PRSS16: variants seen among roughly 807,000 people sequenced by gnomAD.
The protein encoded by PRSS16 is thymus-specific serine protease.
PRSS16 carries 43 observed loss-of-function variants against 61.7 expected under a neutral mutation model. The observed-to-expected ratio is 0.70, with a 90% CI of 0.55 to 0.90. The LOEUF (loss-of-function observed/expected upper bound fraction) is 0.90, where lower values mean the gene tolerates loss of function less well. Among genes scored for constraint, PRSS16 ranks in the 40% least tolerant of loss-of-function variants. The pLI is 0.00. For missense variants in PRSS16, 591 were observed against 659.1 expected (o/e 0.90, Z 1.13); for synonymous variants, 273 against 285.2 (o/e 0.96, Z 0.43).
In PRSS16 at chr6:27,255,410, C is replaced by A; in HGVS notation, c.*95C>A. On this transcript the variant is annotated 3_prime_UTR_variant, in exon 12 of 12. Transcript: ENST00000230582. This position sits in a 1 kb window ranked among gnomAD's most constrained non-coding sequence, Gnocchi z 4.4. ...AAGCAGCTTGTTTTGAAAGAAGAAA[C>A]TCCCAGGAATTGGAATTCAGCACCT... 1.5e-6 allele frequency: 2 copies of A among 1,310,868 alleles called. No individual in the cohort carries two copies. The highest frequency in any genetic ancestry group is 2.1e-6 in the Non-Finnish European group (2 of 946,164). 81.2% of individuals were successfully genotyped at this position (1,310,868 alleles called of 1,614,324 possible). A position where few individuals can be genotyped will look rare whatever the true frequency, so the allele number is the denominator to read the frequency against.
At chr6:27,253,738 C>T (rs1014935292) in intron 9 of PRSS16, 14 of 201,754 alleles carry the variant, frequency 6.9e-5, no homozygotes, top group Non-Finnish European at 1.0e-5. Context: ...TGCCTGTTTC[C>T]ACATCTATAA....
Position 27,248,892 on chromosome 6 carries a change from A to C in PRSS16, c.283A>C (p.Ile95Leu). ...ACATTGGGTTGGCCAGGATGGACCC[A>C]TATTCCTGCATCTAGGGGGTGAGGG... ...DQHWVGQDGP[I>L]FLHLGGEGSL... is the part of the protein sequence containing the mutation. Residue 95 changes from isoleucine (I) to leucine (L), a missense_variant, in exon 3 of 12, where the codon ATA (isoleucine) becomes CTA (leucine). Coordinates refer to ENST00000230582, the MANE Select transcript of PRSS16 (RefSeq NM_005865.4). 2 of 1,613,146 alleles carry C rather than the reference A, an allele frequency of 1.2e-6. No individual in the cohort carries two copies. Among genetic ancestry groups the C allele is most frequent in the East Asian group, 4.5e-5 (2 of 44,876 alleles).
chr6:27,247,774 C>T lies in PRSS16; in HGVS notation c.37C>T (p.Leu13Phe). 1.9e-6 allele frequency: 3 copies of T among 1,598,662 alleles called. No individual in the cohort carries two copies. The highest frequency in any genetic ancestry group is 2.6e-6 in the Non-Finnish European group (3 of 1,173,044). Residue 13 changes from leucine (L) to phenylalanine (F), a missense_variant, in exon 1 of 12, where the codon CTC (leucine) becomes TTC (phenylalanine). Physicochemically the swap from Leu to Phe is conservative, Grantham distance 22 (BLOSUM62 0). Transcript: ENST00000230582. Reference sequence around the variant, plus strand: ...GCTTGCCCAGTGGCTGGGCCCTCTGCTCTTGGTTTCCCTCTGGGGACTCTT... The same window carrying T: ...GCTTGCCCAGTGGCTGGGCCCTCTGTTCTTGGTTTCCCTCTGGGGACTCTT... ...VWLAQWLGPLLLVSLWGLLAP... is the reference protein window; with the variant it reads ...VWLAQWLGPLFLVSLWGLLAP...
intron 5 of PRSS16, 32 bp downstream of exon 5, chr6:27,250,838 A>G: frequency 6.3e-7 from 1 of 1,583,666 alleles, no homozygotes. Flanking sequence ...GGCTGGGGGG[A>G]GGGAACTCGG....
chr6:27,251,573 C>CGAGGCAGGGGATTG lies in PRSS16; in HGVS notation c.718-175_718-162dup, dbSNP rs1359579288. On this transcript the variant is annotated intron_variant, in intron 7 of 11. Coordinates refer to ENST00000230582, the MANE Select transcript of PRSS16 (RefSeq NM_005865.4). This position sits in a 1 kb window ranked among gnomAD's most constrained non-coding sequence, Gnocchi z 5.6. ...AGGGAAGACCCGAGAAGGAGGGCTG[C>CGAGGCAGGGGATTG]GAGGCAGGGGATTGGGGGCGGGGGC... 6 of 440,090 alleles carry CGAGGCAGGGGATTG rather than the reference C, an allele frequency of 1.4e-5. No individual in the cohort carries two copies. The East Asian group carries it at 1.8e-4, about 13-fold the overall frequency. The allele number at this position is 440,090 out of a possible 1,614,324, so 27.3% of individuals were successfully genotyped here. A position where few individuals can be genotyped will look rare whatever the true frequency, so the allele number is the denominator to read the frequency against.
Position 27,251,365 on chromosome 6 carries a change from G to A in PRSS16, c.717+101G>A, listed in dbSNP as rs1451674097. On this transcript the variant is annotated intron_variant, in intron 7 of 11. Transcript: ENST00000230582. This position sits in a 1 kb window ranked among gnomAD's most constrained non-coding sequence, Gnocchi z 5.6. The stretch of plus-strand genomic sequence containing the variant: ...GAAGGGCGAAACCTGCAACGTGGCG[G>A]GGTCTAAGGAAGGTCGGAGCTCGGG... 4.8e-5 allele frequency: 69 copies of A among 1,422,832 alleles called. No homozygotes were observed. The highest frequency in any genetic ancestry group is 6.5e-5 in the Non-Finnish European group (69 of 1,064,490). 88.1% of individuals were successfully genotyped at this position (1,422,832 alleles called of 1,614,324 possible).
rs1032527331 is a variant in PRSS16 at position 27,252,760 on chromosome 6, G to A, written c.1009-48G>A. On this transcript the variant is annotated intron_variant, in intron 8 of 11. Transcript: ENST00000230582. This position sits in a 1 kb window ranked among gnomAD's most constrained non-coding sequence, Gnocchi z 4.2. ...ATAGGCCTCTGCACCCTGGCTTGCT[G>A]GGAAGAGAGGAGGAATTTATGTCTT... 6.2e-7 allele frequency: 1 copy of A among 1,609,790 alleles called. No homozygotes were observed. Among genetic ancestry groups the A allele is most frequent in the African/African-American group, 1.3e-5 (1 of 74,832 alleles).
chr6:27,251,158 T>C lies in PRSS16; in HGVS notation c.669+39T>C. On this transcript the variant is annotated intron_variant, in intron 6 of 11. Transcript: ENST00000230582. The surrounding 1 kb of genome is among the most constrained non-coding windows in gnomAD (Gnocchi z 5.6). The stretch of plus-strand genomic sequence containing the variant: ...GCAGCAGGTGCGGGACGGGGAGGGG[T>C]CCCAGCGGGCGGAGTCCCTTGACAC... 6.2e-7 allele frequency: 1 copy of C among 1,613,252 alleles called. No homozygotes were observed. Among genetic ancestry groups the C allele is most frequent in the Non-Finnish European group, 8.5e-7 (1 of 1,179,814 alleles).
At position 27,255,356 on chromosome 6, in the gene PRSS16, C is replaced by A; in HGVS notation, c.*41C>A. On this transcript the variant is annotated 3_prime_UTR_variant, in exon 12 of 12. Transcript: ENST00000230582. The surrounding 1 kb of genome is among the most constrained non-coding windows in gnomAD (Gnocchi z 4.4). ...CACTCCCTGCATGGTCACCTCAGTC[C>A]TGGACATACTTGTTCACTGAACAAA... The A allele has an allele frequency of 6.5e-7, 1 of 1,541,350 alleles. No individual in the cohort carries two copies. Among genetic ancestry groups the A allele is most frequent in the South Asian group, 1.2e-5 (1 of 84,754 alleles).
chr6:27,249,300 G>A, intron 4 of PRSS16, 71 bp downstream of exon 4: 2 of 1,537,260 alleles, frequency 1.3e-6, no homozygotes, highest in South Asian at 1.2e-5. Context: ...CTCTGCATCT[G>A]TGTCTCTCTC....
chr6:27,250,889 A>G (rs893092161), intron 5 of PRSS16, 83 bp downstream of exon 5: 45 of 1,548,348 alleles, frequency 2.9e-5, no homozygotes, highest in Non-Finnish European at 3.9e-5. Context: ...ATACCCTCCC[A>G]CCACGCCCCT....
rs780279795 is a variant in PRSS16, at chr6:27,250,798, C to G, written c.583C>G (p.Arg195Gly). 4 of 1,609,348 alleles carry G rather than the reference C, an allele frequency of 2.5e-6. No homozygotes were observed. The highest frequency in any genetic ancestry group is 1.3e-5 in the African/African-American group (1 of 74,968). The change falls in exon 5 of 12, where the codon CGG becomes GGG. Residue 195 changes from arginine to glycine, a missense_variant. Transcript: ENST00000230582. ...SYAGSLAAWA[R>G]LKFPHLIFAS... is the part of the protein sequence containing the mutation. ...TGCCGGCTCCTTGGCCGCCTGGGCC[C>G]GGCTGAAGGTCCTGCGACTCCTCCG...
Position 27,251,991 on chromosome 6 carries a change from G to T in PRSS16, c.959G>T (p.Gly320Val), listed in dbSNP as rs1365634510. 6.3e-7 allele frequency: 1 copy of T among 1,583,640 alleles called. No homozygotes were observed. The highest frequency in any genetic ancestry group is 8.6e-7 in the Non-Finnish European group (1 of 1,166,784). The stretch of plus-strand genomic sequence containing the variant: ...TGCGGACTTCTCCTCGGGGGCGGGG[G>T]CAACCGCAGCCACTCCACGCCCTAC... Reference protein sequence around the residue: ...QLCGLLLGGGGNRSHSTPYCG... With the variant: ...QLCGLLLGGGVNRSHSTPYCG... Residue 320 changes from glycine to valine, a missense_variant, in exon 8 of 12, where the codon GGC becomes GTC. Physicochemically the swap from Gly to Val is moderately radical, Grantham distance 109. Coordinates refer to ENST00000230582, the MANE Select transcript of PRSS16 (RefSeq NM_005865.4). The surrounding 1 kb of genome is among the most constrained non-coding windows in gnomAD (Gnocchi z 5.6).
intron 2 of PRSS16, among the ~76,000 whole-genome samples, chr6:27,248,302 C>T (rs1197753758): frequency 1.3e-5 from 2 of 151,902 alleles, no homozygotes; most frequent in Non-Finnish European, 2.9e-5. Flanking sequence ...TTCTCTCTGT[C>T]ATTCACATTC....
chr6:27,251,884 G>GT lies in PRSS16; in HGVS notation c.854dup (p.Leu285PhefsTer15). ...GCCGCGCTGAAAACCAGGCGGAGCT[G>GT]TTGGGGGCGCTGCAGGCACTGGTGG... On this transcript the variant is annotated frameshift_variant, in exon 8 of 12. Transcript: ENST00000230582. LOFTEE classifies it high-confidence loss of function. The surrounding 1 kb of genome is among the most constrained non-coding windows in gnomAD (Gnocchi z 5.6). The GT allele has an allele frequency of 2.5e-6, 4 of 1,613,440 alleles. No homozygotes were observed. The highest frequency in any genetic ancestry group is 3.4e-6 in the Non-Finnish European group (4 of 1,179,818).
In PRSS16 at chr6:27,255,233, C is replaced by A. The variant is rs764978626; in HGVS notation, c.1477-14C>A. On this transcript the variant is annotated splice_polypyrimidine_tract_variant and intron_variant, in intron 11 of 11. Transcript: ENST00000230582. This position sits in a 1 kb window ranked among gnomAD's most constrained non-coding sequence, Gnocchi z 4.4. ...CTGAAATCTGACTTTCAAATTCTTC[C>A]CACCTCCCCACAGAACATCTTCCAG... 1 of 1,614,036 alleles carries A rather than the reference C, an allele frequency of 6.2e-7. No individual in the cohort carries two copies. Among genetic ancestry groups the A allele is most frequent in the Admixed American group, 1.7e-5 (1 of 60,024 alleles).
intron 3 of PRSS16, 77 bp downstream of exon 3, chr6:27,249,023 T>A: frequency 1.3e-6 from 2 of 1,515,892 alleles, no homozygotes; most frequent in Non-Finnish European, 1.8e-6. Context: ...TGCAATGCTG[T>A]GAGACCTGAG....
In PRSS16 at chr6:27,251,561, G is replaced by A. The variant is rs1408152936; in HGVS notation, c.718-189G>A. The A allele has an allele frequency of 1.3e-5, 9 of 711,036 alleles. No individual in the cohort carries two copies. Among genetic ancestry groups the A allele is most frequent in the Middle Eastern group, 4.1e-4 (1 of 2,422 alleles). The allele number at this position is 711,036 out of a possible 1,614,324, so 44.0% of individuals were successfully genotyped here. On this transcript the variant is annotated intron_variant, in intron 7 of 11. Transcript: ENST00000230582. This position sits in a 1 kb window ranked among gnomAD's most constrained non-coding sequence, Gnocchi z 5.6. ...GACGGGGCCTGCAGGGAAGACCCGA[G>A]AAGGAGGGCTGCGAGGCAGGGGATT... is the stretch of plus-strand genomic sequence containing the variant.
At chr6:27,254,425 A>C in intron 9 of PRSS16, 1 of 405,440 alleles carries the variant, frequency 2.5e-6, no homozygotes, top group South Asian at 5.2e-5. Flanking sequence ...CTAATTTCTC[A>C]AGGTCTTATC....
Sources: allele counts gnomAD v4.1 joint callset (sites outside exome capture counted in the v4.1 genomes callset), GRCh38; gene constraint gnomAD v4.1.1; non-coding constraint Gnocchi (gnomAD v3.1); transcripts MANE v1.5; gene names NCBI Gene and HGNC (gene_info 2026-07-23, HGNC 2026-07-21).